Variants in EFR3B observed in about 807,000 individuals in gnomAD.
EFR3B encodes the protein protein EFR3 homolog B.
Under a neutral mutation model 104.7 loss-of-function variants are expected in EFR3B, and 64 were observed. The ratio of observed to expected loss-of-function variants is 0.61; its 90% confidence interval spans 0.50 to 0.75. The LOEUF is 0.75. Among genes scored for constraint, EFR3B ranks in the 30% least tolerant of loss-of-function variants. The pLI is 0.00. For missense variants in EFR3B, 750 were observed against 1,078.5 expected (o/e 0.70, Z 4.27); for synonymous variants, 385 against 417.9 (o/e 0.92, Z 0.96).
chr2:25,084,189 G>A (rs1668885970), intron 1 of EFR3B, among the ~76,000 whole-genome samples: 1 of 151,778 alleles, frequency 6.6e-6, no homozygotes, highest in Non-Finnish European at 1.5e-5. Flanking sequence ...TGTGAACCTC[G>A]AAAATCTGAG....
intron 19 of EFR3B, chr2:25,145,359 C>T: frequency 2.0e-6 from 1 of 489,640 alleles, no homozygotes; most frequent in Non-Finnish European, 3.6e-6. Flanking sequence ...CTGCTTGAGC[C>T]CAGGAGTTTG....
chr2:25,131,224 A>G lies in EFR3B; in HGVS notation c.850-144A>G. 9.1e-7 allele frequency: 1 copy of G among 1,101,896 alleles called. No homozygotes were observed. Among genetic ancestry groups the G allele is most frequent in the Non-Finnish European group, 1.3e-6 (1 of 789,288 alleles). 68.3% of individuals were successfully genotyped at this position (1,101,896 alleles called of 1,614,324 possible). On this transcript the variant is annotated intron_variant, in intron 8 of 22. Transcript: ENST00000403714. The surrounding 1 kb of genome is among the most constrained non-coding windows in gnomAD (Gnocchi z 7.6). The stretch of plus-strand genomic sequence containing the variant: ...AGAAGGGAAGGATCCAGTAAAGGGC[A>G]CGAGGTGTCAGTGCCAACTGCAGTG...
intron 2 of EFR3B, 144 bp downstream of exon 2, chr2:25,091,545 C>G (rs1669121993): frequency 2.8e-6 from 2 of 704,892 alleles, no homozygotes; most frequent in Non-Finnish European, 4.6e-6. Context: ...CCCAGAGAAA[C>G]TGGAACCTGG....
At chr2:25,089,026 T>G (rs1467465452) in intron 1 of EFR3B, among the ~76,000 whole-genome samples, 1 of 152,112 alleles carries the variant, frequency 6.6e-6, no homozygotes. Context: ...GCCTCTGTGC[T>G]GGGGAAGGTG....
At chr2:25,057,201 G>A (rs959560701) in intron 1 of EFR3B, among the ~76,000 whole-genome samples, 2 of 152,138 alleles carry the variant, frequency 1.3e-5, no homozygotes, top group Non-Finnish European at 2.9e-5. Flanking sequence ...CTGTTGTAGA[G>A]GTCCTGTCTA....
chr2:25,113,354 A>C (rs2149196625), intron 4 of EFR3B, among the ~76,000 whole-genome samples: 1 of 152,318 alleles, frequency 6.6e-6, no homozygotes, highest in Admixed American at 6.5e-5. Flanking sequence ...TGTAGGGGTG[A>C]AACAGATAGG....
At chr2:25,065,635 C>G (rs1443679945) in intron 1 of EFR3B, among the ~76,000 whole-genome samples, 2 of 152,186 alleles carry the variant, frequency 1.3e-5, no homozygotes, top group Non-Finnish European at 2.9e-5. Context: ...GGGAAGGTCA[C>G]CAGTGCAGGC....
At position 25,156,878 on chromosome 2, in the gene EFR3B, T is replaced by G. The variant is rs1248495586; in HGVS notation, c.*2538T>G. ...CACTAGCTCCTCCCAGGTTTTATCCTGCACCCAGCTTGGATGAGAGACCCA... is the reference window on the plus strand; with the variant it reads ...CACTAGCTCCTCCCAGGTTTTATCCGGCACCCAGCTTGGATGAGAGACCCA... On this transcript the variant is annotated 3_prime_UTR_variant, in exon 23 of 23. Coordinates refer to ENST00000403714, the MANE Select transcript of EFR3B (RefSeq NM_014971.2). 1 of 152,278 alleles carries G rather than the reference T, an allele frequency of 6.6e-6. No individual in the cohort carries two copies. 9.4% of individuals were successfully genotyped at this position (152,278 alleles called of 1,614,324 possible). A position where few individuals can be genotyped will look rare whatever the true frequency, so the allele number is the denominator to read the frequency against.
chr2:25,070,231 C>G (rs930080700), intron 1 of EFR3B, among the ~76,000 whole-genome samples: 3 of 152,122 alleles, frequency 2.0e-5, no homozygotes, highest in Non-Finnish European at 4.4e-5. Flanking sequence ...ACAATATTTT[C>G]CCTGTGATTA....
rs1023589678 is a variant in EFR3B, at chr2:25,131,041, C to T, written c.850-327C>T. ...GGGCCCCACTTTAGGCAGCACTGGACTAAGCCATGTGGCCTCCCGTGGCTC... is the reference window on the plus strand; with the variant it reads ...GGGCCCCACTTTAGGCAGCACTGGATTAAGCCATGTGGCCTCCCGTGGCTC... On this transcript the variant is annotated intron_variant, in intron 8 of 22. Transcript: ENST00000403714. This position sits in a 1 kb window ranked among gnomAD's most constrained non-coding sequence, Gnocchi z 7.6. Among the ~76,000 whole-genome samples, 1 of 152,192 alleles carries T rather than the reference C, an allele frequency of 6.6e-6. No homozygotes were observed. Among genetic ancestry groups the T allele is most frequent in the African/African-American group, 2.4e-5 (1 of 41,442 alleles).
chr2:25,108,551 A>G (rs751232328), intron 4 of EFR3B, among the ~76,000 whole-genome samples: 36 of 152,350 alleles, frequency 2.4e-4, no homozygotes, highest in Non-Finnish European at 4.6e-4. Flanking sequence ...AAATAGATCA[A>G]AGCCCTAAAT....
intron 21 of EFR3B, among the ~76,000 whole-genome samples, chr2:25,152,779 T>C: frequency 6.6e-6 from 1 of 151,544 alleles, no homozygotes; most frequent in East Asian, 1.9e-4. Flanking sequence ...AAATATAATA[T>C]GTATAAATAT....
At chr2:25,085,485 G>A (rs1668923786) in intron 1 of EFR3B, among the ~76,000 whole-genome samples, 1 of 151,874 alleles carries the variant, frequency 6.6e-6, no homozygotes. Context: ...TATTTATTGA[G>A]ACGAAATCTC....
intron 2 of EFR3B, 45 bp downstream of exon 2, chr2:25,091,446 C>T (rs1208691216): frequency 6.6e-7 from 1 of 1,512,034 alleles, no homozygotes. Context: ...ATGGTCCAGG[C>T]AGGGCCTCTG....
rs1272483566 is a variant in EFR3B, at chr2:25,134,986, A to G, written c.1312-481A>G. ...CGCCATTATTGCCAGGCTAACAGAC[A>G]TGTTACAAAATACTACCTATGTGCA... On this transcript the variant is annotated intron_variant, in intron 12 of 22. Coordinates refer to ENST00000403714, the MANE Select transcript of EFR3B (RefSeq NM_014971.2). Among the ~76,000 whole-genome samples the G allele has an allele frequency of 2.0e-5, 3 of 152,250 alleles. No individual in the cohort carries two copies. In the East Asian group the frequency reaches 5.8e-4, roughly 29 times the overall value.
chr2:25,146,592 G>A (rs1573237749), intron 19 of EFR3B: 3 of 152,346 alleles, frequency 2.0e-5, no homozygotes, highest in South Asian at 2.1e-4. Flanking sequence ...CGGGAATTGA[G>A]GAGTGAAGTG....
intron 1 of EFR3B, among the ~76,000 whole-genome samples, chr2:25,078,473 C>T (rs543131827): frequency 4.5e-4 from 69 of 152,118 alleles, no homozygotes; most frequent in South Asian, 2.5e-3. Context: ...TTGGTGAATG[C>T]GGAGGAGGGA....
chr2:25,119,939 G>T (rs1669967798), intron 4 of EFR3B, among the ~76,000 whole-genome samples: 1 of 151,998 alleles, frequency 6.6e-6, no homozygotes, highest in Non-Finnish European at 1.5e-5. Flanking sequence ...TATCCTTTTT[G>T]ACCCAACACA....
intron 12 of EFR3B, among the ~76,000 whole-genome samples, chr2:25,135,099 C>T (rs529919153): frequency 1.2e-3 from 179 of 152,280 alleles, no homozygotes; most frequent in African/African-American, 4.0e-3. Flanking sequence ...GATGGTCATA[C>T]TCTTAATGAG....
Sources: allele counts gnomAD v4.1 joint callset (sites outside exome capture counted in the v4.1 genomes callset), GRCh38; gene constraint gnomAD v4.1.1; non-coding constraint Gnocchi (gnomAD v3.1); transcripts MANE v1.5; gene names NCBI Gene and HGNC (gene_info 2026-07-23, HGNC 2026-07-21).